C5: variants seen among roughly 807,000 people sequenced by gnomAD.
C5 encodes complement C5.
C5 carries 140 observed loss-of-function variants against 218.8 expected under a neutral mutation model. The ratio of observed to expected loss-of-function variants is 0.64; its 90% CI spans 0.56 to 0.74. The LOEUF (loss-of-function observed/expected upper bound fraction) is 0.74, where lower values mean the gene tolerates loss of function less well. Ranked by LOEUF, C5 falls within the 30% of genes least tolerant of loss-of-function variation. The pLI is 0.00. For synonymous variants in C5, 614 were observed against 682.3 expected, an observed-to-expected ratio of 0.90 and a Z score of 1.56; for missense variants, 1,700 against 1,969.6, an observed-to-expected ratio of 0.86 and a Z score of 2.59.
intron 38 of C5, among the ~76,000 whole-genome samples, chr9:120,957,684 AG>A (rs1209507316): frequency 1.3e-5 from 2 of 152,250 alleles, no homozygotes; most frequent in Non-Finnish European, 2.9e-5. Flanking sequence ...TGATCCTTTA[AG>A]ATGAGTGGAG....
At chr9:121,043,344 T>C (rs557973000) in intron 2 of C5, among the ~76,000 whole-genome samples, 178 bp from the exon 3 acceptor site, 9 of 152,342 alleles carry the variant, frequency 5.9e-5, no homozygotes, top group Non-Finnish European at 7.4e-5. Context: ...CAGTGTCTAA[T>C]TACATAATAA....
chr9:121,057,179 T>C, the C5 span, among the ~76,000 whole-genome samples: 1 of 152,290 alleles, frequency 6.6e-6, no homozygotes, highest in African/African-American at 2.4e-5. Context: ...AGCTGGGGAA[T>C]ATTATCAACA....
chr9:120,987,220 C>A (rs2047039028), intron 25 of C5, among the ~76,000 whole-genome samples: 1 of 152,036 alleles, frequency 6.6e-6, no homozygotes, highest in Non-Finnish European at 1.5e-5. Context: ...GAAGTTAGGC[C>A]TTGAGACATT....
intron 22 of C5, among the ~76,000 whole-genome samples, chr9:120,992,451 T>G (rs1314102117): frequency 6.6e-6 from 1 of 152,210 alleles, no homozygotes; most frequent in African/African-American, 2.4e-5. Flanking sequence ...CAAAGGATTT[T>G]TGTGGGATAA....
intron 36 of C5, among the ~76,000 whole-genome samples, 187 bp from the exon 37 acceptor site, chr9:120,961,752 G>T (rs979603922): frequency 4.6e-5 from 7 of 152,132 alleles, no homozygotes; most frequent in African/African-American, 1.7e-4. Flanking sequence ...CCCTCAGAAA[G>T]ATCTCCCCTT....
intron 7 of C5, among the ~76,000 whole-genome samples, chr9:121,027,522 G>C (rs1042565578): frequency 2.0e-5 from 3 of 152,020 alleles, no homozygotes; most frequent in South Asian, 2.1e-4. Flanking sequence ...CAGAACAGAG[G>C]CCTCAGAAAT....
chr9:120,997,490 CTG>C, intron 21 of C5, 55 bp downstream of exon 21: 1 of 1,249,300 alleles, frequency 8.0e-7, no homozygotes, highest in Non-Finnish European at 1.2e-6. Flanking sequence ...CCCCCCCTTT[CTG>C]TGTCTCTCTT....
Position 120,982,821 on chromosome 9 carries a change from GA to G in C5, c.3231-8del. ...TAAAGCAAAAGCTGTTAACCTTTAA[GA>G]CAAAATCAAATAAATAAATATTTAG... On this transcript the variant is annotated splice_region_variant and splice_polypyrimidine_tract_variant and intron_variant, in intron 25 of 40. Coordinates refer to ENST00000223642, the MANE Select transcript of C5 (RefSeq NM_001735.3). 1 of 1,512,956 alleles carries G rather than the reference GA, an allele frequency of 6.6e-7. No individual in the cohort carries two copies. Among genetic ancestry groups the G allele is most frequent in the Middle Eastern group, 1.7e-4 (1 of 5,840 alleles). The allele number at this position is 1,512,956 out of a possible 1,614,324, so 93.7% of individuals were successfully genotyped here. A position where few individuals can be genotyped will look rare whatever the true frequency, so the allele number is the denominator to read the frequency against.
Position 120,991,289 on chromosome 9 carries a change from T to C in C5, c.2852-9A>G, listed in dbSNP as rs1207069541. ...TCGTCTGCTAATGGTACCTGTAATTTAGAAAATTTGGATTTATACAGAGTT... is the reference window on the plus strand; with the variant it reads ...TCGTCTGCTAATGGTACCTGTAATTCAGAAAATTTGGATTTATACAGAGTT... On this transcript the variant is annotated splice_polypyrimidine_tract_variant and intron_variant, in intron 22 of 40. Transcript: ENST00000223642. 1 of 1,556,862 alleles carries C rather than the reference T, an allele frequency of 6.4e-7. No homozygotes were observed. The highest frequency in any genetic ancestry group is 1.1e-5 in the South Asian group (1 of 89,934).
chr9:120,976,720 C>T lies in C5; in HGVS notation c.3844G>A (p.Gly1282Ser), dbSNP rs2046955844. 1 of 1,614,044 alleles carries T rather than the reference C, an allele frequency of 6.2e-7. No individual in the cohort carries two copies. The highest frequency in any genetic ancestry group is 2.2e-5 in the East Asian group (1 of 44,874). The change falls in exon 29 of 41, where the codon GGT (glycine) becomes AGT (serine). Residue 1282 changes from glycine (G) to serine (S), a missense_variant. Transcript: ENST00000223642. ...KWLSEEQRYGGGFYSTQDTIN... is the reference protein window; with the variant it reads ...KWLSEEQRYGSGFYSTQDTIN... ...GTTACCTGGGTTGAATAAAAGCCAC[C>T]TCCATACCTCTGCTCTTCTGATAGC...
intron 6 of C5, among the ~76,000 whole-genome samples, chr9:121,031,490 A>G (rs1387508210): frequency 6.6e-6 from 1 of 152,134 alleles, no homozygotes; most frequent in African/African-American, 2.4e-5. Context: ...CCTAATAATA[A>G]TCACAATTCT....
chr9:120,981,766 GTCT>G, intron 27 of C5, 75 bp downstream of exon 27: 3 of 906,756 alleles, frequency 3.3e-6, no homozygotes, highest in East Asian at 4.9e-5. Flanking sequence ...GAAACAAAAG[GTCT>G]TCTGATTGGT....
chr9:120,982,674 T>C lies in C5; in HGVS notation c.3371A>G (p.Tyr1124Cys). 4.4e-6 allele frequency: 7 copies of C among 1,606,734 alleles called. No homozygotes were observed. The highest frequency in any genetic ancestry group is 6.0e-6 in the Non-Finnish European group (7 of 1,173,908). The change falls in exon 26 of 41, where the codon TAT becomes TGT. Residue 1124 changes from tyrosine to cysteine, a missense_variant. Transcript: ENST00000223642. ...DNGSFKENSQ[Y>C]QPIKLQGTLP... ...CCTTACCTGTAATTTTATTGGTTGA[T>C]ACTGTGAATTTTCCTTGAAAGATCC...
upstream of C5, among the ~76,000 whole-genome samples, chr9:121,053,338 T>C (rs1422547423): frequency 6.6e-6 from 1 of 152,214 alleles, no homozygotes; most frequent in Non-Finnish European, 1.5e-5. Context: ...AGAAAGGCTC[T>C]ACTAAAAGGC....
In C5 at chr9:121,036,146, G is replaced by C. The variant is rs144511921; in HGVS notation, c.493-1252C>G. 5.9e-4 allele frequency among the ~76,000 whole-genome samples: 90 copies of C among 152,208 alleles called. 2 individuals are homozygous for C. The East Asian group carries it at 0.012, about 21-fold the overall frequency. ...CTGAAATTCACAGTTGGATTTTAGA[G>C]GTTTTATTTCGTAATTAATTGTAAA... On this transcript the variant is annotated intron_variant, in intron 4 of 40. Transcript: ENST00000223642.
chr9:121,023,276 G>A, intron 10 of C5, 128 bp downstream of exon 10: 1 of 752,810 alleles, frequency 1.3e-6, no homozygotes, highest in South Asian at 1.4e-5. Flanking sequence ...AGGAGGGGCA[G>A]GTTTCACAGA....
At chr9:120,975,034 A>T in intron 29 of C5, 103 bp from the exon 30 acceptor site, 4 of 1,310,042 alleles carry the variant, frequency 3.1e-6, no homozygotes, top group Non-Finnish European at 4.4e-6. Flanking sequence ...TTGTCTGGAG[A>T]TGAAACTCCA....
intron 25 of C5, among the ~76,000 whole-genome samples, chr9:120,985,948 TAGATGGCCCGTTACTCA>T (rs1484736286): frequency 1.3e-5 from 2 of 152,210 alleles, no homozygotes; most frequent in African/African-American, 2.4e-5. Flanking sequence ...AGCTGACCAC[TAGATGGCCCGTTACTCA>T]AGATAATAAT....
At chr9:121,040,948 TTC>T (rs1224888003) in intron 3 of C5, among the ~76,000 whole-genome samples, 2 of 138,152 alleles carry the variant, frequency 1.4e-5, no homozygotes, top group East Asian at 2.4e-4. Flanking sequence ...TTCTTTTTTT[TTC>T]TCTTTTTTTT....
Sources: gnomAD v4.1 joint callset for allele counts (sites outside exome capture counted in the v4.1 genomes callset) on GRCh38, gnomAD v4.1.1 for gene constraint, MANE v1.5 for transcripts, NCBI Gene and HGNC (gene_info 2026-07-23, HGNC 2026-07-21) for gene names.